MACROD2: variants seen among roughly 807,000 people sequenced by gnomAD.
The protein encoded by MACROD2 is ADP-ribose glycohydrolase MACROD2.
A neutral mutation model predicts 70.4 loss-of-function variants in MACROD2; 36 were observed. That is an observed-to-expected ratio of 0.51 (90% CI 0.39 to 0.68). The LOEUF (loss-of-function observed/expected upper bound fraction) is 0.68, where lower values mean the gene tolerates loss of function less well. Ranked by LOEUF, MACROD2 falls within the 30% of genes least tolerant of loss-of-function variation. The probability of loss-of-function intolerance (pLI) is 0.00; values close to 1 mark genes in which losing one functional copy is unlikely to be tolerated. For synonymous variants in MACROD2, 172 were observed against 178.8 expected (o/e 0.96, Z 0.30); for missense variants, 496 against 538.4 (o/e 0.92, Z 0.78).
intron 4 of MACROD2, among the ~76,000 whole-genome samples, chr20:14,534,014 A>C (rs2085335991): frequency 6.6e-6 from 1 of 152,258 alleles, no homozygotes; most frequent in South Asian, 2.1e-4. Flanking sequence ...CTTCTTCTGC[A>C]CAAGATATGT....
At chr20:14,944,739 C>G (rs1252353517) in intron 5 of MACROD2, among the ~76,000 whole-genome samples, 1 of 152,116 alleles carries the variant, frequency 6.6e-6, no homozygotes, top group South Asian at 2.1e-4. Flanking sequence ...CTGCTGCAGA[C>G]AGTAATCACT....
intron 3 of MACROD2, among the ~76,000 whole-genome samples, chr20:14,478,378 G>GGGCT (rs1224358074): frequency 2.6e-5 from 4 of 152,144 alleles, no homozygotes; most frequent in Non-Finnish European, 5.9e-5. Flanking sequence ...ATTCTTGAAG[G>GGGCT]GGCTGCCAGC....
intron 3 of MACROD2, among the ~76,000 whole-genome samples, chr20:14,336,173 A>G (rs1280254251): frequency 6.6e-6 from 1 of 152,126 alleles, no homozygotes; most frequent in Non-Finnish European, 1.5e-5. Context: ...CAGCTGAAGG[A>G]CTTTTCTAGT....
chr20:14,852,535 A>T (rs959128766), intron 5 of MACROD2, among the ~76,000 whole-genome samples: 3 of 152,118 alleles, frequency 2.0e-5, no homozygotes, highest in Non-Finnish European at 4.4e-5. Flanking sequence ...AAGCCCAGGT[A>T]GGATCCTCAT....
chr20:14,081,037 T>C (rs961985344), intron 2 of MACROD2, among the ~76,000 whole-genome samples: 3 of 152,222 alleles, frequency 2.0e-5, no homozygotes, highest in African/African-American at 7.2e-5. Context: ...GCCTTTTTCT[T>C]GTCTAGGCCC....
intron 4 of MACROD2, among the ~76,000 whole-genome samples, chr20:14,521,242 C>T (rs1403226229): frequency 2.6e-5 from 4 of 152,178 alleles, no homozygotes; most frequent in Non-Finnish European, 5.9e-5. Flanking sequence ...AGAGCAAAAG[C>T]CTCTGTTGTT....
intron 6 of MACROD2, among the ~76,000 whole-genome samples, chr20:15,333,415 T>A (rs1254829823): frequency 6.6e-6 from 1 of 151,500 alleles, no homozygotes; most frequent in East Asian, 1.9e-4. Context: ...CCTTGACAGG[T>A]AGGTAGTTTA....
intron 5 of MACROD2, among the ~76,000 whole-genome samples, chr20:14,821,355 G>A (rs532829174): frequency 6.1e-4 from 93 of 152,008 alleles, no homozygotes; most frequent in African/African-American, 2.1e-3. Flanking sequence ...ACCTTCCTAC[G>A]TGTCAATAAC....
intron 5 of MACROD2, among the ~76,000 whole-genome samples, chr20:14,725,958 C>G (rs2071524971): frequency 6.6e-6 from 1 of 152,150 alleles, no homozygotes; most frequent in South Asian, 2.1e-4. Context: ...GCAGATCTGA[C>G]AGTGGTTCCT....
At chr20:14,760,866 T>G (rs183145892) in intron 5 of MACROD2, among the ~76,000 whole-genome samples, 2 of 152,288 alleles carry the variant, frequency 1.3e-5, no homozygotes, top group East Asian at 3.9e-4. Flanking sequence ...AATCGAGCCC[T>G]GATTCGTCAA....
chr20:15,371,070 A>G (rs113542242), intron 6 of MACROD2, among the ~76,000 whole-genome samples: 16 of 152,246 alleles, frequency 1.1e-4, no homozygotes, highest in African/African-American at 3.6e-4. Flanking sequence ...TCAATTGTCA[A>G]TGCCTAAGTC....
At chr20:14,302,986 T>TA (rs1555778631) in intron 3 of MACROD2, among the ~76,000 whole-genome samples, 1 of 152,090 alleles carries the variant, frequency 6.6e-6, no homozygotes, top group Non-Finnish European at 1.5e-5. Flanking sequence ...AGTATAAAAT[T>TA]ATTTTGCATT....
intron 3 of MACROD2, among the ~76,000 whole-genome samples, chr20:14,121,086 T>A (rs2054583224): frequency 6.6e-6 from 1 of 152,180 alleles, no homozygotes; most frequent in Non-Finnish European, 1.5e-5. Flanking sequence ...TGTTTAAATC[T>A]AATATTGTTT....
chr20:14,978,887 ATATATATTATATAATATAT>A (rs11467228), intron 5 of MACROD2, among the ~76,000 whole-genome samples: 110,930 of 135,376 alleles, frequency 0.82, 44,872 homozygotes, highest in East Asian at 0.99. Flanking sequence ...TATATAAAAT[ATATATATTATATAATATAT>A]TATATATAAT....
intron 5 of MACROD2, among the ~76,000 whole-genome samples, chr20:14,738,087 G>T (rs1490793763): frequency 2.7e-5 from 4 of 148,306 alleles, no homozygotes; most frequent in Non-Finnish European, 4.5e-5. Context: ...TCTATCAAGT[G>T]TTTTTTTTTT....
At chr20:14,729,210 C>T (rs547467589) in intron 5 of MACROD2, among the ~76,000 whole-genome samples, 47 of 152,048 alleles carry the variant, frequency 3.1e-4, no homozygotes, top group Non-Finnish European at 6.3e-4. Context: ...ATACAAATAT[C>T]ATAGATGATT....
At chr20:14,617,300 A>G (rs556493857) in intron 4 of MACROD2, among the ~76,000 whole-genome samples, 9 of 152,250 alleles carry the variant, frequency 5.9e-5, no homozygotes, top group South Asian at 2.1e-4. Context: ...CAAGTGGCCA[A>G]TCTTTCCTCC....
At chr20:14,405,879 C>A (rs1483791146) in intron 3 of MACROD2, among the ~76,000 whole-genome samples, 1 of 152,002 alleles carries the variant, frequency 6.6e-6, no homozygotes, top group East Asian at 1.9e-4. Context: ...GTTTACAGCA[C>A]TATGGTTTCA....
At chr20:14,952,649 G>C (rs1312687124) in intron 5 of MACROD2, among the ~76,000 whole-genome samples, 1 of 151,948 alleles carries the variant, frequency 6.6e-6, no homozygotes, top group African/African-American at 2.4e-5. Flanking sequence ...ATTTAGCTGA[G>C]TTGTACAGTA....
Sources: gnomAD v4.1 joint callset for allele counts (sites outside exome capture counted in the v4.1 genomes callset) on GRCh38, gnomAD v4.1.1 for gene constraint, MANE v1.5 for transcripts, NCBI Gene and HGNC (gene_info 2026-07-23, HGNC 2026-07-21) for gene names.